Variants in FRY observed in about 807,000 individuals in gnomAD.
FRY encodes the protein FRY microtubule binding protein, also known as protein furry homolog.
In FRY, 128 loss-of-function variants were observed where a neutral mutation model predicts 348.4. That is an observed-to-expected ratio of 0.37 (90% CI 0.32 to 0.43). The LOEUF (loss-of-function observed/expected upper bound fraction) is 0.43, where lower values mean the gene tolerates loss of function less well. Among genes scored for constraint, FRY ranks in the 20% least tolerant of loss-of-function variants. The pLI is 1.00. For synonymous variants in FRY, 1,370 were observed against 1,374.7 expected (o/e 1.00, Z 0.08); for missense variants, 2,736 against 3,695.2 (o/e 0.74, Z 6.73).
intron 3 of FRY, among the ~76,000 whole-genome samples, chr13:32,102,538 G>A (rs1402352400): frequency 1.3e-5 from 2 of 152,088 alleles, no homozygotes; most frequent in Non-Finnish European, 2.9e-5. Flanking sequence ...CTCAAAATAA[G>A]TATAAAACAG....
chr13:32,171,247 G>A lies in FRY; in HGVS notation c.2128G>A (p.Ala710Thr). 6.5e-7 allele frequency: 1 copy of A among 1,540,674 alleles called. No individual in the cohort carries two copies. The highest frequency in any genetic ancestry group is 1.1e-5 in the South Asian group (1 of 90,086). Reference sequence around the variant, plus strand: ...GACACAAGGAAAAGTCTATGAACAAGCCAACAAAATCAGAAATTCAGAGGT... The same window carrying A: ...GACACAAGGAAAAGTCTATGAACAAACCAACAAAATCAGAAATTCAGAGGT... ...IQTQGKVYEQ[A>T]NKIRNSELIA... Residue 710 changes from alanine to threonine, a missense_variant, in exon 18 of 61, where the codon GCC (alanine) becomes ACC (threonine). This residue lies in a region of FRY where 449 missense variants were observed against 576.9 expected (regional missense o/e 0.78). Transcript: ENST00000542859.
intron 2 of FRY, chr13:32,086,102 T>C (rs1593596054): frequency 4.4e-6 from 2 of 450,478 alleles, no homozygotes; most frequent in South Asian, 1.7e-5. Context: ...GGAAATTTCA[T>C]TGGTTCTTGA....
intron 54 of FRY, 76 bp from the exon 55 acceptor site, chr13:32,267,094 G>T: frequency 7.4e-7 from 1 of 1,358,716 alleles, no homozygotes; most frequent in Non-Finnish European, 1.1e-6. Context: ...CTGACTCTCA[G>T]GGTGAGAATT....
At position 32,242,280 on chromosome 13, in the gene FRY, G is replaced by A. The variant is rs983435971; in HGVS notation, c.6688-1762G>A. On this transcript the variant is annotated intron_variant, in intron 46 of 60. Coordinates refer to ENST00000542859, the MANE Select transcript of FRY (RefSeq NM_023037.3). ...ATTATTCAGTCCTGTGGCATGGATT[G>A]TGGGTATGTTATTTAGTTCTTCAAC... Among the ~76,000 whole-genome samples the A allele has an allele frequency of 1.1e-4, 16 of 152,178 alleles. 1 individual carries two copies. Among genetic ancestry groups the A allele is most frequent in the African/African-American group, 3.6e-4 (15 of 41,438 alleles).
At position 32,295,364 on chromosome 13, in the gene FRY, G is replaced by A; in HGVS notation, c.8946G>A (p.Leu2982=). The change falls in exon 61 of 61, where the codon CTG becomes CTA. Residue 2982 remains leucine, a synonymous_variant. Transcript: ENST00000542859. Reference sequence around the variant, plus strand: ...AGATCTGCACCAAGCTGATGGAGCTGAACATGGAGATCCGGGACATGATCC... The same window carrying A: ...AGATCTGCACCAAGCTGATGGAGCTAAACATGGAGATCCGGGACATGATCC... ...LTEICTKLME[L]NMEIRDMIRR... The A allele has an allele frequency of 6.2e-7, 1 of 1,613,664 alleles. No homozygotes were observed. The highest frequency in any genetic ancestry group is 8.5e-7 in the Non-Finnish European group (1 of 1,179,950).
chr13:32,129,891 A>G (rs981566476), intron 7 of FRY, among the ~76,000 whole-genome samples: 3 of 152,080 alleles, frequency 2.0e-5, no homozygotes, highest in African/African-American at 4.8e-5. Context: ...CCACTTGCCA[A>G]CCACCAGCCC....
intron 49 of FRY, among the ~76,000 whole-genome samples, chr13:32,251,252 G>C (rs1306232243): frequency 6.6e-6 from 1 of 152,100 alleles, no homozygotes; most frequent in East Asian, 1.9e-4. Context: ...TATGGTCAAG[G>C]GGCTGGAAAA....
chr13:32,090,296 C>A (rs927535749), intron 2 of FRY, among the ~76,000 whole-genome samples: 1 of 135,616 alleles, frequency 7.4e-6, no homozygotes, highest in African/African-American at 2.8e-5. Context: ...TGCAGTGAGC[C>A]GAGGTGGCAC....
intron 11 of FRY, among the ~76,000 whole-genome samples, chr13:32,145,280 G>A (rs1448704953): frequency 1.3e-5 from 2 of 152,182 alleles, no homozygotes; most frequent in African/African-American, 4.8e-5. Context: ...GTGTAAGATA[G>A]ACATCGGGGC....
chr13:32,199,323 A>G (rs1883866468), intron 29 of FRY, among the ~76,000 whole-genome samples: 1 of 152,314 alleles, frequency 6.6e-6, no homozygotes, highest in South Asian at 2.1e-4. Context: ...ACGCATTACA[A>G]GAGTAGTTGT....
chr13:32,103,430 C>A (rs1877296769), intron 3 of FRY, among the ~76,000 whole-genome samples: 1 of 152,158 alleles, frequency 6.6e-6, no homozygotes, highest in African/African-American at 2.4e-5. Flanking sequence ...ACCGCATGTT[C>A]TCACTCATAG....
Position 32,173,404 on chromosome 13 carries a change from A to G in FRY, c.2189A>G (p.Glu730Gly). 4 of 1,612,412 alleles carry G rather than the reference A, an allele frequency of 2.5e-6. No individual in the cohort carries two copies. In the South Asian group the frequency reaches 3.3e-5, roughly 13 times the overall value. Residue 730 changes from glutamate (E) to glycine (G), a missense_variant, in exon 19 of 61, where the codon GAA (glutamate) becomes GGA (glycine). Glu to Gly is a moderately conservative substitution (Grantham distance 98). This residue lies in a region of FRY where 449 missense variants were observed against 576.9 expected (regional missense o/e 0.78). Transcript: ENST00000542859. Reference sequence around the variant, plus strand: ...GGCTCCAGTCACAGAATTCAGTCGGAACGAGGTCCCCACTGCAGTGTACTC... The same window carrying G: ...GGCTCCAGTCACAGAATTCAGTCGGGACGAGGTCCCCACTGCAGTGTACTC... Reference protein sequence around the residue: ...ANGSSHRIQSERGPHCSVLHA... With the variant: ...ANGSSHRIQSGRGPHCSVLHA...
In FRY at chr13:32,265,462, C is replaced by G; in HGVS notation, c.7792C>G (p.Arg2598Gly). The G allele has an allele frequency of 1.2e-6, 2 of 1,613,986 alleles. No homozygotes were observed. Among genetic ancestry groups the G allele is most frequent in the Non-Finnish European group, 1.7e-6 (2 of 1,179,962 alleles). The change falls in exon 54 of 61, where the codon CGT (arginine) becomes GGT (glycine). Residue 2598 changes from arginine to glycine, a missense_variant. Arg to Gly is a moderately radical substitution (Grantham distance 125). This residue lies in a region of FRY where 789 missense variants were observed against 996.2 expected (regional missense o/e 0.79). Transcript: ENST00000542859. ...TTTATTCTTCCAGGCTGAAGCTGTT[C>G]GTGAGGAGGAGGACACCACCGTGCA... The part of the protein sequence containing the change: ...ISEGSKAEAV[R>G]EEEDTTVHED...
intron 27 of FRY, among the ~76,000 whole-genome samples, chr13:32,187,124 A>C (rs1446977145): frequency 6.6e-6 from 1 of 152,122 alleles, no homozygotes; most frequent in Non-Finnish European, 1.5e-5. Flanking sequence ...CATATATTTT[A>C]TACTGTCTCA....
chr13:32,158,738 C>T (rs1420438236), intron 16 of FRY, among the ~76,000 whole-genome samples: 2 of 151,610 alleles, frequency 1.3e-5, no homozygotes, highest in African/African-American at 4.8e-5. Flanking sequence ...GCCAACATGG[C>T]GAAACCCCAT....
chr13:32,246,529 G>A (rs1192452862), intron 47 of FRY, among the ~76,000 whole-genome samples: 1 of 152,228 alleles, frequency 6.6e-6, no homozygotes, highest in African/African-American at 2.4e-5. Flanking sequence ...GCAGCCTGGG[G>A]GAGATGACCC....
Position 32,208,915 on chromosome 13 carries a change from C to T in FRY, c.4081C>T (p.Leu1361=), listed in dbSNP as rs373390314. Residue 1361 remains leucine (L), a synonymous_variant, in exon 32 of 61, where the codon CTG becomes TTG. Coordinates refer to ENST00000542859, the MANE Select transcript of FRY (RefSeq NM_023037.3). The stretch of plus-strand genomic sequence containing the variant: ...GCGCCAGATCATGCTTACCTACCTG[C>T]TGCCCTGGCTGCACAACATCGAGCT... The part of the protein sequence containing the change: ...NGRQIMLTYL[L]PWLHNIELVD... The T allele has an allele frequency of 3.2e-5, 52 of 1,614,084 alleles. No homozygotes were observed. The highest frequency in any genetic ancestry group is 1.3e-5 in the African/African-American group (1 of 74,938).
In FRY at chr13:32,265,638, G is replaced by T. The variant is rs375202879; in HGVS notation, c.7946+22G>T. 4.4e-5 allele frequency: 71 copies of T among 1,609,386 alleles called. No individual in the cohort carries two copies. The African/African-American group carries it at 9.1e-4, about 21-fold the overall frequency. On this transcript the variant is annotated intron_variant, in intron 54 of 60. Coordinates refer to ENST00000542859, the MANE Select transcript of FRY (RefSeq NM_023037.3). ...CGAGGTAATGGAGCCCTTGGCTGAT[G>T]TGAGTGGTGTGAATGTGCATGGTAC...
chr13:32,211,121 T>G (rs1430014726), intron 34 of FRY, 87 bp downstream of exon 34: 1 of 1,272,394 alleles, frequency 7.9e-7, no homozygotes, highest in Non-Finnish European at 1.1e-6. Context: ...AGAATGTGTT[T>G]GTTACTTTTT....
Sources: gnomAD v4.1 joint callset for allele counts (sites outside exome capture counted in the v4.1 genomes callset) on GRCh38, gnomAD v4.1.1 for gene constraint, gnomAD v4.1.1 regional missense constraint, MANE v1.5 for transcripts, NCBI Gene and HGNC (gene_info 2026-07-23, HGNC 2026-07-21) for gene names.